The following STK33 variants were observed in gnomAD, a reference collection of about 807,000 sequenced individuals.
The protein encoded by STK33 is serine/threonine-protein kinase 33.
A neutral mutation model predicts 58.0 loss-of-function variants in STK33; 52 were observed. The observed-to-expected ratio is 0.90, with a 90% CI of 0.72 to 1.13. The LOEUF is 1.13. STK33 is among the 50% of genes most tolerant of loss of function. The pLI, the probability that STK33 is intolerant of heterozygous loss-of-function variation, is 0.00. For synonymous variants in STK33, 215 were observed against 200.1 expected (o/e 1.07, Z -0.63); for missense variants, 630 against 604.2 (o/e 1.04, Z -0.45).
chr11:8,447,223 A>C (rs1945604601), intron 11 of STK33, among the ~76,000 whole-genome samples: 1 of 152,236 alleles, frequency 6.6e-6, no homozygotes, highest in Admixed American at 6.5e-5. Flanking sequence ...AGGAGCTGGT[A>C]CCATTCCTTC....
chr11:8,563,832 CA>C (rs1957271263), intron 1 of STK33, among the ~76,000 whole-genome samples: 1 of 152,086 alleles, frequency 6.6e-6, no homozygotes, highest in Non-Finnish European at 1.5e-5. Flanking sequence ...GGACAGCAAT[CA>C]GTTGGCCAGG....
chr11:8,403,883 T>G (rs1159703414), intron 15 of STK33, among the ~76,000 whole-genome samples: 3 of 152,236 alleles, frequency 2.0e-5, no homozygotes, highest in Non-Finnish European at 2.9e-5. Context: ...TCTAGGCATA[T>G]CCCTGCCAGT....
intron 1 of STK33, among the ~76,000 whole-genome samples, chr11:8,559,003 T>C (rs957570393): frequency 6.6e-6 from 1 of 152,156 alleles, no homozygotes; most frequent in East Asian, 1.9e-4. Flanking sequence ...ACAGACTCTC[T>C]AATAGAAAAC....
At chr11:8,464,395 C>T (rs564404729) in intron 7 of STK33, among the ~76,000 whole-genome samples, 107 of 152,294 alleles carry the variant, frequency 7.0e-4, no homozygotes, top group African/African-American at 2.5e-3. Context: ...ATCTCTAGCC[C>T]ACAGCCCTAT....
the STK33 span, among the ~76,000 whole-genome samples, chr11:8,354,519 C>CT: frequency 8.6e-3 from 1,287 of 148,940 alleles, 8 homozygotes; most frequent in Admixed American, 0.014. Context: ...CACACACACC[C>CT]CTCAGACACC....
At chr11:8,401,033 G>A (rs1394317507) in intron 15 of STK33, among the ~76,000 whole-genome samples, 6 of 152,072 alleles carry the variant, frequency 3.9e-5, no homozygotes, top group Admixed American at 3.9e-4. Flanking sequence ...CGTGAAAATG[G>A]CCATACTACC....
chr11:8,579,037 G>C (rs1315179199), intron 1 of STK33, among the ~76,000 whole-genome samples: 1 of 151,968 alleles, frequency 6.6e-6, no homozygotes, highest in Admixed American at 6.6e-5. Context: ...TGCAGACTTG[G>C]AAATCACCAA....
chr11:8,532,263 A>G (rs1242810188), intron 1 of STK33, among the ~76,000 whole-genome samples: 3 of 152,262 alleles, frequency 2.0e-5, no homozygotes, highest in Non-Finnish European at 2.9e-5. Context: ...ACCAGGAGTT[A>G]GCAAACTATG....
chr11:8,389,075 T>A (rs1848583047), downstream of STK33, among the ~76,000 whole-genome samples: 1 of 146,412 alleles, frequency 6.8e-6, no homozygotes, highest in Non-Finnish European at 1.5e-5. Context: ...CAAAGACAGG[T>A]GGTAAACTTA....
downstream of STK33, among the ~76,000 whole-genome samples, chr11:8,388,181 T>TC (rs34856363): frequency 0.26 from 39,141 of 151,662 alleles, 5,656 homozygotes; most frequent in African/African-American, 0.39. Flanking sequence ...GAAGGGGAGG[T>TC]CCTGAGAGTG....
the STK33 span, among the ~76,000 whole-genome samples, chr11:8,382,900 T>G: frequency 6.6e-6 from 1 of 152,136 alleles, no homozygotes; most frequent in African/African-American, 2.4e-5. Context: ...CAACACACTC[T>G]CTGTTGCTCC....
chr11:8,473,968 T>TC (rs1183171533), intron 5 of STK33, among the ~76,000 whole-genome samples: 1 of 151,284 alleles, frequency 6.6e-6, no homozygotes, highest in Non-Finnish European at 1.5e-5. Flanking sequence ...AGGTCGGGAG[T>TC]TCAAGACCAG....
At chr11:8,431,498 G>C (rs1012336998) in intron 14 of STK33, among the ~76,000 whole-genome samples, 2 of 152,158 alleles carry the variant, frequency 1.3e-5, no homozygotes, top group Admixed American at 1.3e-4. Context: ...TGATTACAAA[G>C]TGCTTTTGCA....
At chr11:8,362,815 C>T in the STK33 span, among the ~76,000 whole-genome samples, 1 of 152,118 alleles carries the variant, frequency 6.6e-6, no homozygotes, top group East Asian at 1.9e-4. Context: ...CATTTGCCAT[C>T]CCTCCTTCCT....
At chr11:8,351,767 G>C in the STK33 span, among the ~76,000 whole-genome samples, 1 of 152,158 alleles carries the variant, frequency 6.6e-6, no homozygotes, top group Non-Finnish European at 1.5e-5. Context: ...TGCCATGCCT[G>C]GTCCATTCCA....
At chr11:8,557,080 A>T (rs1295918877) in intron 1 of STK33, among the ~76,000 whole-genome samples, 1 of 151,498 alleles carries the variant, frequency 6.6e-6, no homozygotes, top group African/African-American at 2.4e-5. Context: ...GTGAGACCTC[A>T]TCTCTATAAA....
chr11:8,468,262 G>C (rs1948420027), intron 6 of STK33, among the ~76,000 whole-genome samples: 2 of 152,214 alleles, frequency 1.3e-5, no homozygotes, highest in East Asian at 3.9e-4. Context: ...ATGAGAACAT[G>C]AGAAAAACCT....
At chr11:8,363,178 G>A in the STK33 span, among the ~76,000 whole-genome samples, 1 of 152,134 alleles carries the variant, frequency 6.6e-6, no homozygotes, top group East Asian at 1.9e-4. Flanking sequence ...AGGAGGGCCG[G>A]ATTACTGGGG....
At chr11:8,405,034 A>G (rs1485893810) in intron 15 of STK33, among the ~76,000 whole-genome samples, 1 of 152,152 alleles carries the variant, frequency 6.6e-6, no homozygotes, top group African/African-American at 2.4e-5. Flanking sequence ...GCTACCCAGG[A>G]GGCTGAGGCA....
Sources: gnomAD v4.1 joint callset for allele counts (sites outside exome capture counted in the v4.1 genomes callset) on GRCh38, gnomAD v4.1.1 for gene constraint, MANE v1.5 for transcripts, NCBI Gene and HGNC (gene_info 2026-07-23, HGNC 2026-07-21) for gene names.